RIMBP2: variants seen among roughly 807,000 people sequenced by gnomAD.
RIMBP2 encodes the protein RIMS-binding protein 2.
Under a neutral mutation model 118.6 loss-of-function variants are expected in RIMBP2, and 48 were observed. The ratio of observed to expected loss-of-function variants is 0.40; its 90% CI spans 0.32 to 0.51. The LOEUF is 0.51. RIMBP2 is among the 20% of genes least tolerant of loss of function. The pLI, the probability that RIMBP2 is intolerant of heterozygous loss-of-function variation, is 0.41. For synonymous variants in RIMBP2, 762 were observed against 742.9 expected, an observed-to-expected ratio of 1.03 and a Z score of -0.42; for missense variants, 1,551 against 1,768.3, an observed-to-expected ratio of 0.88 and a Z score of 2.20.
intron 4 of RIMBP2, among the ~76,000 whole-genome samples, chr12:130,480,307 TG>T (rs2081865440): frequency 6.6e-6 from 1 of 151,916 alleles, no homozygotes. Context: ...CCTTCAAAAA[TG>T]GGAAGAGTTG....
Position 130,621,238 on chromosome 12 carries a change from C to T in RIMBP2, c.-217+7084G>A, listed in dbSNP as rs1045598265. 6.6e-6 allele frequency among the ~76,000 whole-genome samples: 1 copy of T among 152,130 alleles called. No individual in the cohort carries two copies. The highest frequency in any genetic ancestry group is 2.4e-5 in the African/African-American group (1 of 41,436). Reference sequence around the variant, plus strand: ...TTAGGGTGATGGACTCCAGGTGGATCCTCCCCATGAGAGAAAAGCAGGGGG... The same window carrying T: ...TTAGGGTGATGGACTCCAGGTGGATTCTCCCCATGAGAGAAAAGCAGGGGG... On this transcript the variant is annotated intron_variant, in intron 2 of 22. Coordinates refer to ENST00000690449, the MANE Select transcript of RIMBP2 (RefSeq NM_001393629.1). The surrounding 1 kb of genome is among the most constrained non-coding windows in gnomAD (Gnocchi z 6.6).
intron 2 of RIMBP2, among the ~76,000 whole-genome samples, chr12:130,520,620 T>G (rs1422855442): frequency 2.2e-5 from 3 of 136,924 alleles, no homozygotes. Flanking sequence ...TGCAGTGAGC[T>G]GAGATCACGC....
intron 21 of RIMBP2, among the ~76,000 whole-genome samples, chr12:130,403,723 C>A (rs2136318421): frequency 6.6e-6 from 1 of 152,114 alleles, no homozygotes; most frequent in East Asian, 1.9e-4. Context: ...GTAATTCTAG[C>A]ATAATCCCGG....
chr12:130,480,892 C>T lies in RIMBP2; in HGVS notation c.-3-1876G>A, dbSNP rs921388630. On this transcript the variant is annotated intron_variant, in intron 4 of 22. Transcript: ENST00000690449. ...CTGGGATTACAGGCGTGAGCCACCG[C>T]GCCCGACCACCTTTTACTCATTTTT... Among the ~76,000 whole-genome samples, 75 of 152,230 alleles carry T rather than the reference C, an allele frequency of 4.9e-4. 1 individual carries two copies. Among genetic ancestry groups the T allele is most frequent in the South Asian group, 4.1e-4 (2 of 4,830 alleles).
chr12:130,696,718 A>G (rs2065591755), intron 1 of RIMBP2, among the ~76,000 whole-genome samples: 1 of 152,220 alleles, frequency 6.6e-6, no homozygotes, highest in African/African-American at 2.4e-5. Flanking sequence ...TGATTTAATC[A>G]GAAGGAGTAA....
chr12:130,589,047 A>T (rs957268673), intron 2 of RIMBP2, among the ~76,000 whole-genome samples: 20 of 152,272 alleles, frequency 1.3e-4, no homozygotes, highest in African/African-American at 4.8e-4. Flanking sequence ...TCCTAAGAGA[A>T]GTCGGAGACT....
At chr12:130,438,623 T>C in intron 11 of RIMBP2, 107 bp from the exon 12 acceptor site, 3 of 854,698 alleles carry the variant, frequency 3.5e-6, no homozygotes, top group Admixed American at 8.2e-5. Context: ...TTCGGTAAAG[T>C]CGCCAGGGAA....
chr12:130,499,136 C>G (rs1325798303), intron 4 of RIMBP2, among the ~76,000 whole-genome samples: 1 of 152,198 alleles, frequency 6.6e-6, no homozygotes, highest in Non-Finnish European at 1.5e-5. Flanking sequence ...AGGGGCTACA[C>G]ACTTTTAAAC....
At chr12:130,714,495 A>T (rs1383590257) in intron 1 of RIMBP2, among the ~76,000 whole-genome samples, 1 of 151,838 alleles carries the variant, frequency 6.6e-6, no homozygotes, top group African/African-American at 2.4e-5. Context: ...CGGCCCCCAT[A>T]GCGCCAGCAT....
rs1333047281 is a variant in RIMBP2, at chr12:130,622,505, G to T, written c.-217+5817C>A. 6.6e-6 allele frequency among the ~76,000 whole-genome samples: 1 copy of T among 151,670 alleles called. No homozygotes were observed. The highest frequency in any genetic ancestry group is 1.5e-5 in the Non-Finnish European group (1 of 67,958). ...ATATATTTATATATAATATATATTT[G>T]ATAATAGAGATGGAGTCTCACTTTG... is the stretch of plus-strand genomic sequence containing the variant. On this transcript the variant is annotated intron_variant, in intron 2 of 22. Transcript: ENST00000690449. This position sits in a 1 kb window ranked among gnomAD's most constrained non-coding sequence, Gnocchi z 8.5.
intron 1 of RIMBP2, among the ~76,000 whole-genome samples, chr12:130,685,958 A>T (rs1344038651): frequency 6.6e-6 from 1 of 151,938 alleles, no homozygotes; most frequent in Non-Finnish European, 1.5e-5. Flanking sequence ...CATGAGCCCC[A>T]GAAGGCCCCC....
At chr12:130,545,625 C>T (rs980792979) in intron 2 of RIMBP2, among the ~76,000 whole-genome samples, 1 of 152,116 alleles carries the variant, frequency 6.6e-6, no homozygotes, top group Non-Finnish European at 1.5e-5. Flanking sequence ...CAGGTGCGTC[C>T]CTCTAGACCC....
chr12:130,481,774 C>G (rs1017167829), intron 4 of RIMBP2, among the ~76,000 whole-genome samples: 2 of 152,242 alleles, frequency 1.3e-5, no homozygotes, highest in Non-Finnish European at 2.9e-5. Context: ...CAGGCCTGGC[C>G]CTCCTGGGAA....
At position 130,703,556 on chromosome 12, in the gene RIMBP2, G is replaced by GCC; in HGVS notation, c.-352+12664_-352+12665dup. On this transcript the variant is annotated intron_variant, in intron 1 of 22. Coordinates refer to ENST00000690449, the MANE Select transcript of RIMBP2 (RefSeq NM_001393629.1). This position sits in a 1 kb window ranked among gnomAD's most constrained non-coding sequence, Gnocchi z 5.7. ...CTCAGGGCTGAGCCGCAGTCTGAGG[G>GCC]CCGGGCCCTGGCATGGGCTCCATCA... 6.6e-6 allele frequency among the ~76,000 whole-genome samples: 1 copy of GCC among 152,202 alleles called. No individual in the cohort carries two copies. The highest frequency in any genetic ancestry group is 1.9e-4 in the East Asian group (1 of 5,178).
rs1322110892 is a variant in RIMBP2 at position 130,646,454 on chromosome 12, GCCACCTCCCTCGCTACCTCCCTCA to G, written c.-351-18022_-351-17999del. ...CTCCACCTCCCTTGCCACCTCCCTC[GCCACCTCCCTCGCTACCTCCCTCA>G]CTACTGCAAAAGGGATTGTTTCCTC... On this transcript the variant is annotated intron_variant, in intron 1 of 22. Coordinates refer to ENST00000690449, the MANE Select transcript of RIMBP2 (RefSeq NM_001393629.1). Among the ~76,000 whole-genome samples, 4 of 73,652 alleles carry G rather than the reference GCCACCTCCCTCGCTACCTCCCTCA, an allele frequency of 5.4e-5. 1 individual carries two copies. The highest frequency in any genetic ancestry group is 1.6e-4 in the Admixed American group (1 of 6,404). The allele number at this position is 73,652 out of a possible 152,430, so 48.3% of individuals were successfully genotyped here.
Position 130,422,450 on chromosome 12 carries a change from A to G in RIMBP2, c.3238+3T>C, listed in dbSNP as rs1482234660. ...ACACAACAGCGATGATGGGGCCACT[A>G]ACCGATGGATGGGACTGTCACGGGC... On this transcript the variant is annotated splice_donor_region_variant and intron_variant, in intron 17 of 22. Transcript: ENST00000690449. This position sits in a 1 kb window ranked among gnomAD's most constrained non-coding sequence, Gnocchi z 5.2. 2 of 1,601,364 alleles carry G rather than the reference A, an allele frequency of 1.2e-6. No individual in the cohort carries two copies. The highest frequency in any genetic ancestry group is 2.7e-5 in the African/African-American group (2 of 74,730).
intron 1 of RIMBP2, among the ~76,000 whole-genome samples, chr12:130,662,758 C>A (rs1322918840): frequency 6.6e-6 from 1 of 152,076 alleles, no homozygotes; most frequent in East Asian, 1.9e-4. Flanking sequence ...GAGTTTGAGA[C>A]CAGCCTGGGC....
At chr12:130,548,365 G>A (rs1475692094) in intron 2 of RIMBP2, among the ~76,000 whole-genome samples, 38 of 152,140 alleles carry the variant, frequency 2.5e-4, no homozygotes, top group Admixed American at 2.5e-3. Flanking sequence ...AAGGCAATGG[G>A]TAATTTAAGA....
intron 21 of RIMBP2, 37 bp from the exon 22 acceptor site, chr12:130,399,850 T>A: frequency 6.2e-7 from 1 of 1,611,304 alleles, no homozygotes; most frequent in Non-Finnish European, 8.5e-7. Context: ...AACTATTTAT[T>A]TTTCTAGAAA....
Sources: gnomAD v4.1 joint callset for allele counts (sites outside exome capture counted in the v4.1 genomes callset) on GRCh38, gnomAD v4.1.1 for gene constraint, Gnocchi (gnomAD v3.1) non-coding constraint, MANE v1.5 for transcripts, NCBI Gene and HGNC (gene_info 2026-07-23, HGNC 2026-07-21) for gene names.